Variants in SFMBT2 observed in about 807,000 individuals in gnomAD.
The protein encoded by SFMBT2 is Scm like with four mbt domains 2.
Under a neutral mutation model 110.1 loss-of-function variants are expected in SFMBT2, and 38 were observed. The ratio of observed to expected loss-of-function variants is 0.35; its 90% CI spans 0.27 to 0.45. The LOEUF (loss-of-function observed/expected upper bound fraction) is 0.45, where lower values mean the gene tolerates loss of function less well. Among genes scored for constraint, SFMBT2 ranks in the 20% least tolerant of loss-of-function variants. The probability of loss-of-function intolerance (pLI) is 1.00; values close to 1 mark genes in which losing one functional copy is unlikely to be tolerated. For synonymous variants in SFMBT2, 425 were observed against 425.4 expected (o/e 1.00, Z 0.01); for missense variants, 1,011 against 1,094.9 (o/e 0.92, Z 1.08).
chr10:7,282,063 C>T (rs1841961513), intron 6 of SFMBT2, among the ~76,000 whole-genome samples: 1 of 152,136 alleles, frequency 6.6e-6, no homozygotes, highest in Non-Finnish European at 1.5e-5. Flanking sequence ...CCCAGCTGGT[C>T]TCCAACTCCT....
chr10:7,331,840 C>T lies in SFMBT2; in HGVS notation c.436+35809G>A, dbSNP rs554782344. ...TCAACATGGTGAAACCCTGTCTCTA[C>T]TGAAAAAAACAATACAAAAATTAGC... On this transcript the variant is annotated intron_variant, in intron 4 of 20. Transcript: ENST00000397167. 5.8e-3 allele frequency among the ~76,000 whole-genome samples: 887 copies of T among 151,884 alleles called. 5 individuals are homozygous for T. Among genetic ancestry groups the T allele is most frequent in the Non-Finnish European group, 9.9e-3 (675 of 67,944 alleles).
At chr10:7,333,846 ATCG>A (rs1173444511) in intron 4 of SFMBT2, among the ~76,000 whole-genome samples, 3 of 150,598 alleles carry the variant, frequency 2.0e-5, no homozygotes, top group Non-Finnish European at 4.4e-5. Flanking sequence ...TTTGTTAAAT[ATCG>A]TCTTTCTTTA....
At chr10:7,290,512 C>T (rs1183716775) in intron 4 of SFMBT2, among the ~76,000 whole-genome samples, 1 of 152,068 alleles carries the variant, frequency 6.6e-6, no homozygotes, top group East Asian at 1.9e-4. Context: ...TAAAGATGGA[C>T]CCAAATCCCA....
intron 2 of SFMBT2, among the ~76,000 whole-genome samples, chr10:7,381,199 C>T (rs1352826176): frequency 6.6e-6 from 1 of 152,290 alleles, no homozygotes; most frequent in East Asian, 1.9e-4. Context: ...CACTTCACCA[C>T]CAATCCGCAT....
intron 1 of SFMBT2, among the ~76,000 whole-genome samples, chr10:7,391,135 A>G (rs536516633): frequency 6.6e-6 from 1 of 151,732 alleles, no homozygotes; most frequent in African/African-American, 2.4e-5. Context: ...ATAAAACTGA[A>G]GAGTAATAAT....
chr10:7,369,153 T>C (rs1449099624), intron 3 of SFMBT2, among the ~76,000 whole-genome samples: 1 of 152,164 alleles, frequency 6.6e-6, no homozygotes, highest in Non-Finnish European at 1.5e-5. Flanking sequence ...ATGGCGAGAC[T>C]TGGCTAACAG....
chr10:7,216,337 T>C (rs1301149368), intron 11 of SFMBT2, among the ~76,000 whole-genome samples: 1 of 152,208 alleles, frequency 6.6e-6, no homozygotes, highest in African/African-American at 2.4e-5. Flanking sequence ...AGCTCCCCCA[T>C]ACTGATCTCA....
intron 1 of SFMBT2, among the ~76,000 whole-genome samples, chr10:7,404,673 T>A (rs915291834): frequency 6.6e-6 from 1 of 152,250 alleles, no homozygotes; most frequent in Non-Finnish European, 1.5e-5. Context: ...CTTTAATCAA[T>A]GTCAAAGACA....
At chr10:7,264,687 C>T (rs1258279176) in intron 7 of SFMBT2, among the ~76,000 whole-genome samples, 1 of 152,124 alleles carries the variant, frequency 6.6e-6, no homozygotes, top group Non-Finnish European at 1.5e-5. Flanking sequence ...GCACCTCACC[C>T]GTCAGCTACA....
intron 7 of SFMBT2, among the ~76,000 whole-genome samples, chr10:7,257,116 G>GGGAGGGGAGA (rs1841038131): frequency 6.7e-6 from 1 of 149,494 alleles, no homozygotes; most frequent in East Asian, 2.0e-4. Context: ...GGGAGGGGAG[G>GGGAGGGGAGA]GGAGGGGAAA....
chr10:7,411,065 CTTTTTTTTTTT>C (rs766788794), upstream of SFMBT2, among the ~76,000 whole-genome samples: 2,956 of 53,996 alleles, frequency 0.055, 97 homozygotes, highest in Admixed American at 0.081. Context: ...GCTCGGCGCT[CTTTTTTTTTTT>C]TTTTTTTTTT....
Position 7,259,225 on chromosome 10 carries a change from A to C in SFMBT2, c.871-10576T>G, listed in dbSNP as rs143481207. On this transcript the variant is annotated intron_variant, in intron 7 of 20. Transcript: ENST00000397167. Reference sequence around the variant, plus strand: ...TCTGTTTTGCCCTTCCCAGACACCAACGTGGAGGCCAGTAAACACAGAGAG... The same window carrying C: ...TCTGTTTTGCCCTTCCCAGACACCACCGTGGAGGCCAGTAAACACAGAGAG... Among the ~76,000 whole-genome samples the C allele has an allele frequency of 5.5e-4, 84 of 152,306 alleles. No individual in the cohort carries two copies. The East Asian group carries it at 0.016, about 29-fold the overall frequency.
intron 11 of SFMBT2, among the ~76,000 whole-genome samples, chr10:7,208,452 A>C (rs7905315): frequency 0.41 from 62,401 of 152,018 alleles, 13,265 homozygotes; most frequent in Middle Eastern, 0.56. Context: ...TGGGAGGCTG[A>C]GGCGGGCGGA....
At chr10:7,237,079 G>A (rs1001633275) in intron 9 of SFMBT2, among the ~76,000 whole-genome samples, 5 of 152,212 alleles carry the variant, frequency 3.3e-5, no homozygotes, top group Non-Finnish European at 5.9e-5. Context: ...AAAACAGGGA[G>A]GGTGACACAA....
At chr10:7,352,575 T>C (rs1328407239) in intron 4 of SFMBT2, among the ~76,000 whole-genome samples, 1 of 152,080 alleles carries the variant, frequency 6.6e-6, no homozygotes, top group African/African-American at 2.4e-5. Context: ...AGAAATGCTA[T>C]CTCAGAGAAG....
intron 4 of SFMBT2, among the ~76,000 whole-genome samples, chr10:7,366,726 C>A (rs1176041974): frequency 6.6e-6 from 1 of 152,242 alleles, no homozygotes; most frequent in East Asian, 1.9e-4. Flanking sequence ...CAGATGAATT[C>A]CTTCAATGCA....
At chr10:7,376,650 G>C (rs1845217393) in intron 2 of SFMBT2, among the ~76,000 whole-genome samples, 1 of 120,604 alleles carries the variant, frequency 8.3e-6, no homozygotes, top group Non-Finnish European at 1.6e-5. Flanking sequence ...AGTGAGCGGA[G>C]ATCACACCAC....
chr10:7,228,673 TTCTTTCTTTC>T (rs1324254173), intron 9 of SFMBT2, among the ~76,000 whole-genome samples: 1 of 37,908 alleles, frequency 2.6e-5, no homozygotes, highest in Non-Finnish European at 5.4e-5. Context: ...CTAAAGTGGC[TTCTTTCTTTC>T]TTTCTTTCTT....
intron 20 of SFMBT2, 107 bp from the exon 21 acceptor site, chr10:7,164,017 T>C: frequency 1.4e-6 from 2 of 1,441,322 alleles, no homozygotes; most frequent in Non-Finnish European, 1.8e-6. Context: ...CAGGATGCTC[T>C]TGTTTCATTC....
Sources: allele counts gnomAD v4.1 joint callset (sites outside exome capture counted in the v4.1 genomes callset), GRCh38; gene constraint gnomAD v4.1.1; transcripts MANE v1.5; gene names NCBI Gene and HGNC (gene_info 2026-07-23, HGNC 2026-07-21).